Variants in TINAGL1 observed in about 807,000 individuals in gnomAD.
The protein encoded by TINAGL1 is tubulointerstitial nephritis antigen like 1, also known as tubulointerstitial nephritis antigen-like.
TINAGL1 carries 34 observed loss-of-function variants against 62.0 expected under a neutral mutation model. That is an observed-to-expected ratio of 0.55 (90% CI 0.42 to 0.73). The LOEUF (loss-of-function observed/expected upper bound fraction) is 0.73, where lower values mean the gene tolerates loss of function less well. Ranked by LOEUF, TINAGL1 falls within the 30% of genes least tolerant of loss-of-function variation. The probability of loss-of-function intolerance (pLI) is 0.00; values close to 1 mark genes in which losing one functional copy is unlikely to be tolerated. For synonymous variants in TINAGL1, 221 were observed against 249.7 expected (o/e 0.88, Z 1.08); for missense variants, 516 against 653.2 (o/e 0.79, Z 2.29).
At chr1:31,581,475 C>G (rs757584961) in intron 3 of TINAGL1, among the ~76,000 whole-genome samples, 1 of 152,148 alleles carries the variant, frequency 6.6e-6, no homozygotes, top group Non-Finnish European at 1.5e-5. Context: ...CACAGACCAC[C>G]TGGAGCTCTG....
chr1:31,580,574 C>A (rs959038975), intron 3 of TINAGL1: 3 of 1,289,148 alleles, frequency 2.3e-6, no homozygotes, highest in Non-Finnish European at 3.0e-6. Flanking sequence ...CCTGCAGACT[C>A]CTCTGGCCCT....
chr1:31,580,454 C>T, intron 3 of TINAGL1: 2 of 1,289,290 alleles, frequency 1.6e-6, no homozygotes, highest in African/African-American at 3.0e-5. Flanking sequence ...GTGTCAGAGC[C>T]CTCAAAGGAT....
Position 31,585,039 on chromosome 1 carries a change from A to T in TINAGL1, c.857+3A>T. 6.3e-7 allele frequency: 1 copy of T among 1,592,136 alleles called. No individual in the cohort carries two copies. Among genetic ancestry groups the T allele is most frequent in the Non-Finnish European group, 8.6e-7 (1 of 1,165,286 alleles). Reference sequence around the variant, plus strand: ...TGGTGGTTCCTGCGTCGCCGAGGGTATGCAGCAACAGGGGATGTGGGCAGA... The same window carrying T: ...TGGTGGTTCCTGCGTCGCCGAGGGTTTGCAGCAACAGGGGATGTGGGCAGA... On this transcript the variant is annotated splice_donor_region_variant and intron_variant, in intron 7 of 11. Coordinates refer to ENST00000271064, the MANE Select transcript of TINAGL1 (RefSeq NM_022164.3). This position sits in a 1 kb window ranked among gnomAD's most constrained non-coding sequence, Gnocchi z 4.3.
intron 3 of TINAGL1, chr1:31,580,489 G>T: frequency 7.8e-7 from 1 of 1,289,320 alleles, no homozygotes; most frequent in African/African-American, 1.5e-5. Context: ...GTCGGGTGCT[G>T]CTGCCTAGGT....
rs1328221596 is a variant in TINAGL1 at position 31,587,112 on chromosome 1, G to C, written c.*133G>C. ...AGGCGGGCGCCAGGGCGCTAATCCC[G>C]GCGCGGGTTCCGCTGACGCAGCGCC... On this transcript the variant is annotated 3_prime_UTR_variant, in exon 12 of 12. Transcript: ENST00000271064. The C allele has an allele frequency of 7.8e-7, 1 of 1,278,784 alleles. No individual in the cohort carries two copies. Among genetic ancestry groups the C allele is most frequent in the Non-Finnish European group, 9.9e-7 (1 of 1,008,822 alleles). The allele number at this position is 1,278,784 out of a possible 1,614,324, so 79.2% of individuals were successfully genotyped here. A position where few individuals can be genotyped will look rare whatever the true frequency, so the allele number is the denominator to read the frequency against.
intron 2 of TINAGL1, chr1:31,578,243 G>GGT (rs34257590): frequency 0.092 from 27,513 of 299,302 alleles, 1,463 homozygotes; most frequent in East Asian, 0.41. Context: ...AGTGAGAGCT[G>GGT]GTGTGTGTGT....
At chr1:31,586,304 TG>T in intron 10 of TINAGL1, 1 of 346,674 alleles carries the variant, frequency 2.9e-6, no homozygotes, top group Non-Finnish European at 5.3e-6. Flanking sequence ...CGGTGGGAAT[TG>T]GCGGTCTCTA....
At chr1:31,580,077 G>A (rs1639176219) in intron 3 of TINAGL1, among the ~76,000 whole-genome samples, 1 of 152,242 alleles carries the variant, frequency 6.6e-6, no homozygotes, top group South Asian at 2.1e-4. Context: ...GTGTGTGTGT[G>A]TGTGTGTGTT....
At chr1:31,586,422 C>T (rs1639392382) in intron 10 of TINAGL1, 2 of 562,024 alleles carry the variant, frequency 3.6e-6, no homozygotes, top group Non-Finnish European at 6.4e-6. Context: ...ATAGAACTGG[C>T]CCCTAGGAGG....
At chr1:31,581,460 G>T (rs1281337597) in intron 3 of TINAGL1, among the ~76,000 whole-genome samples, 1 of 152,128 alleles carries the variant, frequency 6.6e-6, no homozygotes, top group Non-Finnish European at 1.5e-5. Context: ...CATGTGGGCG[G>T]ACACCACAGA....
rs771749930 is a variant in TINAGL1 at position 31,583,517 on chromosome 1, G to A, written c.524G>A (p.Arg175His). ...FWGMTLDEGI[R>H]YRLGTIRPSS... ...GGCATGACCCTGGATGAGGGCATTC[G>A]CTACCGCCTGGGCACCATCCGCCCA... The change falls in exon 5 of 12, where the codon CGC (arginine) becomes CAC (histidine). Residue 175 changes from arginine to histidine, a missense_variant. Physicochemically the swap from Arg to His is conservative, Grantham distance 29. Coordinates refer to ENST00000271064, the MANE Select transcript of TINAGL1 (RefSeq NM_022164.3). This position sits in a 1 kb window ranked among gnomAD's most constrained non-coding sequence, Gnocchi z 4.4. 1.8e-5 allele frequency: 29 copies of A among 1,613,864 alleles called. 1 individual carries two copies. The highest frequency in any genetic ancestry group is 3.3e-4 in the Middle Eastern group (2 of 6,084).
In TINAGL1 at chr1:31,585,974, G is replaced by A; in HGVS notation, c.1217+98G>A. On this transcript the variant is annotated intron_variant, in intron 10 of 11. Transcript: ENST00000271064. This position sits in a 1 kb window ranked among gnomAD's most constrained non-coding sequence, Gnocchi z 4.3. ...TTCTTACAACCTCTCTAAAAAGCCA[G>A]GACTGCTCTCATCATTTCAATAGGG... 21 of 1,406,724 alleles carry A rather than the reference G, an allele frequency of 1.5e-5. No homozygotes were observed. Among genetic ancestry groups the A allele is most frequent in the Admixed American group, 2.8e-5 (1 of 35,266 alleles). 87.1% of individuals were successfully genotyped at this position (1,406,724 alleles called of 1,614,324 possible). A position where few individuals can be genotyped will look rare whatever the true frequency, so the allele number is the denominator to read the frequency against.
rs1639332889 is a variant in TINAGL1 at position 31,584,505 on chromosome 1, T to C, written c.583-173T>C. On this transcript the variant is annotated intron_variant, in intron 5 of 11. Transcript: ENST00000271064. This position sits in a 1 kb window ranked among gnomAD's most constrained non-coding sequence, Gnocchi z 4.0. ...ATACCTGGGAGGCACTAAATGGTGCTTGGTTCTTCAACACAAGTCAAAATT... is the reference window on the plus strand; with the variant it reads ...ATACCTGGGAGGCACTAAATGGTGCCTGGTTCTTCAACACAAGTCAAAATT... The C allele has an allele frequency of 2.1e-6, 2 of 957,688 alleles. No individual in the cohort carries two copies. The highest frequency in any genetic ancestry group is 3.2e-5 in the South Asian group (2 of 62,656). The allele number at this position is 957,688 out of a possible 1,614,324, so 59.3% of individuals were successfully genotyped here.
rs745424348 is a variant in TINAGL1 at position 31,577,386 on chromosome 1, A to G, written c.238A>G (p.Thr80Ala). 2 of 1,613,884 alleles carry G rather than the reference A, an allele frequency of 1.2e-6. No homozygotes were observed. The highest frequency in any genetic ancestry group is 1.7e-6 in the Non-Finnish European group (2 of 1,179,986). Residue 80 changes from threonine to alanine, a missense_variant, in exon 2 of 12, where the codon ACG becomes GCG. Transcript: ENST00000271064. The surrounding 1 kb of genome is among the most constrained non-coding windows in gnomAD (Gnocchi z 5.4). Reference sequence around the variant, plus strand: ...TTACTGTGACCTCTTCTGCAACCGCACGGTCTCCGACTGCTGCCCTGACTT... The same window carrying G: ...TTACTGTGACCTCTTCTGCAACCGCGCGGTCTCCGACTGCTGCCCTGACTT... The part of the protein sequence containing the change: ...ICYCDLFCNR[T>A]VSDCCPDFWD...
Position 31,585,192 on chromosome 1 carries a change from G to A in TINAGL1, c.899G>A (p.Arg300Gln), listed in dbSNP as rs140915081. Residue 300 changes from arginine (R) to glutamine (Q), a missense_variant, in exon 8 of 12, where the codon CGA becomes CAA. Physicochemically the swap from Arg to Gln is conservative, Grantham distance 43. Coordinates refer to ENST00000271064, the MANE Select transcript of TINAGL1 (RefSeq NM_022164.3). This position sits in a 1 kb window ranked among gnomAD's most constrained non-coding sequence, Gnocchi z 4.3. ...TGCTACCCCTTCTCGGGCCGTGAAC[G>A]AGACGAGGCTGGCCCTGCGCCCCCC... is the stretch of plus-strand genomic sequence containing the variant. Reference protein sequence around the residue: ...DHCYPFSGRERDEAGPAPPCM... With the variant: ...DHCYPFSGREQDEAGPAPPCM... The A allele has an allele frequency of 3.9e-5, 62 of 1,601,442 alleles. No homozygotes were observed. The highest frequency in any genetic ancestry group is 2.5e-4 in the East Asian group (11 of 44,688).
rs1557560197 is a variant in TINAGL1, at chr1:31,583,169, A to G, written c.395A>G (p.Gln132Arg). The G allele has an allele frequency of 6.2e-7, 1 of 1,614,160 alleles. No homozygotes were observed. Among genetic ancestry groups the G allele is most frequent in the Non-Finnish European group, 8.5e-7 (1 of 1,180,022 alleles). ...ACCAGCACCTGCCAGGAGAACAGGC[A>G]GTGGCAGTGTGACCAAGAACCATGC... ...CNRCTCQENR[Q>R]WQCDQEPCLV... The change falls in exon 4 of 12, where the codon CAG becomes CGG. Residue 132 changes from glutamine to arginine, a missense_variant. Gln to Arg is a conservative substitution (Grantham distance 43). Transcript: ENST00000271064. This position sits in a 1 kb window ranked among gnomAD's most constrained non-coding sequence, Gnocchi z 4.4.
chr1:31,579,864 G>A (rs1639166153), intron 3 of TINAGL1: 1 of 162,358 alleles, frequency 6.2e-6, no homozygotes, highest in Non-Finnish European at 1.4e-5. Context: ...CTGCGACTTG[G>A]AGGAGGCGGC....
Position 31,585,273 on chromosome 1 carries a change from G to A in TINAGL1, c.980G>A (p.Cys327Tyr). ...GRGKRQATAH[C>Y]PNSYVNNNDI... ...GGCAAGCGCCAGGCCACTGCCCACT[G>A]CCCCAACAGCTATGTTAATAACAAT... Residue 327 changes from cysteine (C) to tyrosine (Y), a missense_variant, in exon 8 of 12, where the codon TGC (cysteine) becomes TAC (tyrosine). Cys to Tyr is a radical substitution (Grantham distance 194, BLOSUM62 -2). Coordinates refer to ENST00000271064, the MANE Select transcript of TINAGL1 (RefSeq NM_022164.3). This position sits in a 1 kb window ranked among gnomAD's most constrained non-coding sequence, Gnocchi z 4.3. The A allele has an allele frequency of 6.2e-7, 1 of 1,613,368 alleles. No homozygotes were observed. Among genetic ancestry groups the A allele is most frequent in the South Asian group, 1.1e-5 (1 of 90,900 alleles).
In TINAGL1 at chr1:31,585,766, G is replaced by C; in HGVS notation, c.1107G>C (p.Val369=). The change falls in exon 10 of 12, where the codon GTG becomes GTC. Residue 369 remains valine (V), a synonymous_variant. Coordinates refer to ENST00000271064, the MANE Select transcript of TINAGL1 (RefSeq NM_022164.3). This position sits in a 1 kb window ranked among gnomAD's most constrained non-coding sequence, Gnocchi z 4.3. Reference sequence around the variant, plus strand: ...ATCTGCCCACAGCCCTCATGGAGGTGCATGAGGACTTCTTCCTATACAAGG... The same window carrying C: ...ATCTGCCCACAGCCCTCATGGAGGTCCATGAGGACTTCTTCCTATACAAGG... ...ENGPVQALME[V]HEDFFLYKGG... is the part of the protein sequence containing the mutation. The C allele has an allele frequency of 6.2e-7, 1 of 1,613,506 alleles. No homozygotes were observed.
Sources: allele counts gnomAD v4.1 joint callset (sites outside exome capture counted in the v4.1 genomes callset), GRCh38; gene constraint gnomAD v4.1.1; non-coding constraint Gnocchi (gnomAD v3.1); transcripts MANE v1.5; gene names NCBI Gene and HGNC (gene_info 2026-07-23, HGNC 2026-07-21).